PCDHGA5: variants seen among roughly 807,000 people sequenced by gnomAD.
PCDHGA5 encodes protocadherin gamma-A5.
A neutral mutation model predicts 56.7 loss-of-function variants in PCDHGA5; 36 were observed. That is an observed-to-expected ratio of 0.64 (90% CI 0.49 to 0.84). PCDHGA5 has a LOEUF of 0.84. Ranked by LOEUF, PCDHGA5 falls within the 40% of genes least tolerant of loss-of-function variation. The pLI, the probability that PCDHGA5 is intolerant of heterozygous loss-of-function variation, is 0.00. For missense variants in PCDHGA5, 1,305 were observed against 1,201.5 expected (o/e 1.09, Z -1.27); for synonymous variants, 563 against 520.2 (o/e 1.08, Z -1.12).
chr5:141,431,973 TC>T lies in PCDHGA5; in HGVS notation c.2422-62833del, dbSNP rs770294598. 13 of 1,614,100 alleles carry T rather than the reference TC, an allele frequency of 8.1e-6. No individual in the cohort carries two copies. The highest frequency in any genetic ancestry group is 1.0e-5 in the Non-Finnish European group (12 of 1,180,038). On this transcript the variant is annotated intron_variant, in intron 1 of 3. Transcript: ENST00000518069. This position sits in a 1 kb window ranked among gnomAD's most constrained non-coding sequence, Gnocchi z 4.8. ...TCTTACGGAAATTACTATAGTTTAG[TC>T]ACAGACATAGTCTTGGATAGGGAAC...
chr5:141,389,361 G>T (rs1460945767), intron 1 of PCDHGA5: 1 of 1,613,880 alleles, frequency 6.2e-7, no homozygotes, highest in South Asian at 1.1e-5. Context: ...CATGGCCAGT[G>T]ACCTGGAGCA....
intron 1 of PCDHGA5, among the ~76,000 whole-genome samples, chr5:141,386,902 G>A (rs2090736648): frequency 6.6e-6 from 1 of 152,206 alleles, no homozygotes; most frequent in Non-Finnish European, 1.5e-5. Flanking sequence ...TCAATTCAGA[G>A]GTCACCAAGG....
intron 1 of PCDHGA5, chr5:141,395,898 GC>G (rs1337402820): frequency 6.6e-6 from 1 of 151,994 alleles, no homozygotes; most frequent in Non-Finnish European, 1.5e-5. Context: ...TGGGCTCCAT[GC>G]CCATGGAGAC....
intron 1 of PCDHGA5, chr5:141,479,196 C>T (rs2099489838): frequency 2.0e-5 from 3 of 152,432 alleles, no homozygotes; most frequent in African/African-American, 7.2e-5. Context: ...TCAGAAAATA[C>T]AGAAAAGTAT....
chr5:141,476,271 C>T lies in PCDHGA5; in HGVS notation c.2422-18536C>T. Reference sequence around the variant, plus strand: ...GGTTTCGCTGTGGGCAACGTGGTCGCGAACCTTGGTTTGGATCTCGGTAGC... The same window carrying T: ...GGTTTCGCTGTGGGCAACGTGGTCGTGAACCTTGGTTTGGATCTCGGTAGC... On this transcript the variant is annotated intron_variant, in intron 1 of 3. Coordinates refer to ENST00000518069, the MANE Select transcript of PCDHGA5 (RefSeq NM_018918.3). This position sits in a 1 kb window ranked among gnomAD's most constrained non-coding sequence, Gnocchi z 7.6. 4 of 1,613,892 alleles carry T rather than the reference C, an allele frequency of 2.5e-6. No homozygotes were observed. The highest frequency in any genetic ancestry group is 3.4e-6 in the Non-Finnish European group (4 of 1,179,974).
At chr5:141,395,547 TGTGTGTGTGTGTGTGTGTG>T (rs2093270842) in intron 1 of PCDHGA5, 3 of 174,256 alleles carry the variant, frequency 1.7e-5, no homozygotes, top group Non-Finnish European at 3.5e-5. Flanking sequence ...ATTGTTTGTG[TGTGTGTGTGTGTGTGTGTG>T]TGTGTGTGTG....
chr5:141,410,342 C>T (rs772070270), intron 1 of PCDHGA5: 12 of 1,613,946 alleles, frequency 7.4e-6, no homozygotes, highest in Non-Finnish European at 9.3e-6. Flanking sequence ...CATTGCCTTG[C>T]GCCTGCGACG....
At chr5:141,443,704 C>T (rs894128704) in intron 1 of PCDHGA5, among the ~76,000 whole-genome samples, 6 of 152,102 alleles carry the variant, frequency 3.9e-5, no homozygotes, top group Non-Finnish European at 7.4e-5. Flanking sequence ...TATAGAATAA[C>T]ATTTGCATAT....
In PCDHGA5 at chr5:141,372,255, C is replaced by T. The variant is rs1309371884; in HGVS notation, c.2421+5504C>T. 3.7e-6 allele frequency: 6 copies of T among 1,613,018 alleles called. No individual in the cohort carries two copies. The East Asian group carries it at 1.1e-4, about 30-fold the overall frequency. On this transcript the variant is annotated intron_variant, in intron 1 of 3. Coordinates refer to ENST00000518069, the MANE Select transcript of PCDHGA5 (RefSeq NM_018918.3). ...CGAGCCCGGGCTGTTCAGCCTGGGCCTGCGCACGGGTGAGGTGCGCACGGC... is the reference window on the plus strand; with the variant it reads ...CGAGCCCGGGCTGTTCAGCCTGGGCTTGCGCACGGGTGAGGTGCGCACGGC...
At position 141,464,036 on chromosome 5, in the gene PCDHGA5, G is replaced by A. The variant is rs907276618; in HGVS notation, c.2422-30771G>A. On this transcript the variant is annotated intron_variant, in intron 1 of 3. Coordinates refer to ENST00000518069, the MANE Select transcript of PCDHGA5 (RefSeq NM_018918.3). ...ATCCCACACTTTGGGAGGCCAAGGC[G>A]GGTGGATCACCTGAGGTCAGGAGTT... Among the ~76,000 whole-genome samples the A allele has an allele frequency of 2.6e-5, 4 of 152,096 alleles. No individual in the cohort carries two copies. The East Asian group carries it at 5.8e-4, about 22-fold the overall frequency.
chr5:141,392,775 A>C (rs777775450), intron 1 of PCDHGA5: 1 of 1,524,280 alleles, frequency 6.6e-7, no homozygotes, highest in South Asian at 1.3e-5. Context: ...CCATTTATGC[A>C]CAGTGAAGAT....
intron 1 of PCDHGA5, chr5:141,427,995 G>T (rs1292989797): frequency 6.3e-7 from 1 of 1,599,590 alleles, no homozygotes; most frequent in Non-Finnish European, 8.6e-7. Flanking sequence ...CGATGGCTCC[G>T]CACTCTTCGA....
intron 2 of PCDHGA5, among the ~76,000 whole-genome samples, chr5:141,496,500 C>T (rs1350421492): frequency 6.6e-6 from 1 of 152,162 alleles, no homozygotes; most frequent in Non-Finnish European, 1.5e-5. Flanking sequence ...ACCCTTGTTG[C>T]CACAAGGACC....
intron 1 of PCDHGA5, chr5:141,468,632 C>G (rs1385644482): frequency 6.6e-6 from 1 of 151,628 alleles, no homozygotes; most frequent in Non-Finnish European, 1.5e-5. Context: ...TTTGGGAGGC[C>G]GAGGTGGGCG....
In PCDHGA5 at chr5:141,459,764, A is replaced by G. The variant is rs980972909; in HGVS notation, c.2422-35043A>G. On this transcript the variant is annotated intron_variant, in intron 1 of 3. Transcript: ENST00000518069. ...TTTTAGCAATTCTAGTGGGTGTGTG[A>G]TACTATCTCATTGAAGTTTCAACTG... Among the ~76,000 whole-genome samples, 56 of 152,208 alleles carry G rather than the reference A, an allele frequency of 3.7e-4. 1 individual carries two copies. Among genetic ancestry groups the G allele is most frequent in the Admixed American group, 6.5e-5 (1 of 15,274 alleles).
At position 141,482,865 on chromosome 5, in the gene PCDHGA5, A is replaced by G. The variant is rs557581796; in HGVS notation, c.2422-11942A>G. ...GGTGGGCAGATCACTTGAGGTCAGG[A>G]GTTTGAAACCAGCCTGGCCAACATG... On this transcript the variant is annotated intron_variant, in intron 1 of 3. Coordinates refer to ENST00000518069, the MANE Select transcript of PCDHGA5 (RefSeq NM_018918.3). Among the ~76,000 whole-genome samples, 66 of 152,206 alleles carry G rather than the reference A, an allele frequency of 4.3e-4. 1 individual carries two copies. Among genetic ancestry groups the G allele is most frequent in the African/African-American group, 1.5e-3 (61 of 41,516 alleles).
chr5:141,448,784 C>CA (rs576464275), intron 1 of PCDHGA5, among the ~76,000 whole-genome samples: 7,532 of 145,718 alleles, frequency 0.052, 302 homozygotes, highest in African/African-American at 0.11. Flanking sequence ...ACTAAAAATA[C>CA]AAAAAAAAAA....
chr5:141,366,284 C>T lies in PCDHGA5; in HGVS notation c.1954C>T (p.Pro652Ser). 1 of 1,613,714 alleles carries T rather than the reference C, an allele frequency of 6.2e-7. No homozygotes were observed. The highest frequency in any genetic ancestry group is 8.5e-7 in the Non-Finnish European group (1 of 1,180,000). ...GGTGGCCGTCGAAGACCATGGCCAG[C>T]CCCCTCTGTCAGCCACCTTCACGGT... ...LVVAVEDHGQ[P>S]PLSATFTVTV... The change falls in exon 1 of 4, where the codon CCC becomes TCC. Residue 652 changes from proline to serine, a missense_variant. By Grantham distance (74) the Pro-to-Ser change is moderately conservative. Coordinates refer to ENST00000518069, the MANE Select transcript of PCDHGA5 (RefSeq NM_018918.3).
chr5:141,471,789 TCATATAAAAGA>T (rs777265354), intron 1 of PCDHGA5, among the ~76,000 whole-genome samples: 14 of 152,224 alleles, frequency 9.2e-5, no homozygotes, highest in Non-Finnish European at 1.9e-4. Flanking sequence ...TTATGCTATG[TCATATAAAAGA>T]CATATAAAAG....
Sources: gnomAD v4.1 joint callset for allele counts (sites outside exome capture counted in the v4.1 genomes callset) on GRCh38, gnomAD v4.1.1 for gene constraint, Gnocchi (gnomAD v3.1) non-coding constraint, MANE v1.5 for transcripts, NCBI Gene and HGNC (gene_info 2026-07-23, HGNC 2026-07-21) for gene names.